The following SLIT2 variants were observed in gnomAD, a reference collection of about 807,000 sequenced individuals.
The protein encoded by SLIT2 is slit guidance ligand 2.
SLIT2 carries 41 observed loss-of-function variants against 185.7 expected under a neutral mutation model. The ratio of observed to expected loss-of-function variants is 0.22; its 90% CI spans 0.17 to 0.29. SLIT2 has a LOEUF of 0.29. SLIT2 is among the 10% of genes least tolerant of loss of function. The pLI is 1.00. For missense variants in SLIT2, 1,571 were observed against 1,909.0 expected, an observed-to-expected ratio of 0.82 and a Z score of 3.30; for synonymous variants, 693 against 680.2, an observed-to-expected ratio of 1.02 and a Z score of -0.29.
rs377016101 is a variant in SLIT2, at chr4:20,617,630, C to T, written c.4328C>T (p.Thr1443Met). ...QPYCECSSGY[T>M]GDSCDREISC... ...TACTGTGAATGCAGCAGTGGATACA[C>T]GGGGGACAGCTGTGATCGAGGTAAG... The change falls in exon 36 of 37, where the codon ACG (threonine) becomes ATG (methionine). Residue 1443 changes from threonine (T) to methionine (M), a missense_variant. Transcript: ENST00000504154. 84 of 1,608,370 alleles carry T rather than the reference C, an allele frequency of 5.2e-5. No homozygotes were observed. Among genetic ancestry groups the T allele is most frequent in the East Asian group, 3.8e-4 (17 of 44,628 alleles).
At chr4:20,503,496 T>C (rs901013041) in intron 9 of SLIT2, among the ~76,000 whole-genome samples, 1 of 152,078 alleles carries the variant, frequency 6.6e-6, no homozygotes, top group Admixed American at 6.6e-5. Context: ...AAAATATATA[T>C]ATGAAAACAT....
At chr4:20,367,798 T>A (rs1317741473) in intron 4 of SLIT2, among the ~76,000 whole-genome samples, 1 of 152,084 alleles carries the variant, frequency 6.6e-6, no homozygotes, top group African/African-American at 2.4e-5. Flanking sequence ...TCTTTTTCAC[T>A]GCTGCACCTC....
rs140241075 is a variant in SLIT2, at chr4:20,483,734, T to C, written c.540-2466T>C. On this transcript the variant is annotated intron_variant, in intron 6 of 36. Coordinates refer to ENST00000504154, the MANE Select transcript of SLIT2 (RefSeq NM_004787.4). ...TAATATTTATACATCAAGATGTCTT[T>C]TGTATTAGAATACTCATTACAAAGA... Among the ~76,000 whole-genome samples, 11 of 152,150 alleles carry C rather than the reference T, an allele frequency of 7.2e-5. No homozygotes were observed. The East Asian group carries it at 1.9e-3, about 27-fold the overall frequency.
At chr4:20,504,563 A>G (rs906551400) in intron 9 of SLIT2, among the ~76,000 whole-genome samples, 9 of 152,142 alleles carry the variant, frequency 5.9e-5, no homozygotes, top group African/African-American at 9.7e-5. Context: ...TTCAGCTTCA[A>G]TGTGAATGAT....
intron 5 of SLIT2, 38 bp downstream of exon 5, chr4:20,467,861 A>AT: frequency 9.6e-7 from 1 of 1,037,764 alleles, no homozygotes; most frequent in Middle Eastern, 2.8e-4. Flanking sequence ...GTTTTAAGTC[A>AT]TTATCTATTT....
chr4:20,367,884 TAC>T (rs1560358964), intron 4 of SLIT2, among the ~76,000 whole-genome samples: 1 of 152,118 alleles, frequency 6.6e-6, no homozygotes, highest in African/African-American at 2.4e-5. Context: ...AGTCCATTCT[TAC>T]AGGGGTAATA....
chr4:20,585,252 G>A (rs1271059562), intron 29 of SLIT2, among the ~76,000 whole-genome samples: 5 of 152,128 alleles, frequency 3.3e-5, no homozygotes, highest in African/African-American at 4.8e-5. Context: ...TAGACCCCTT[G>A]ATGGACCACT....
intron 4 of SLIT2, among the ~76,000 whole-genome samples, chr4:20,364,481 A>G (rs752558463): frequency 2.6e-5 from 4 of 152,182 alleles, no homozygotes; most frequent in African/African-American, 7.2e-5. Flanking sequence ...AAAGTCAGTC[A>G]GTAACCATAC....
chr4:20,443,657 T>G (rs1238575093), intron 4 of SLIT2, among the ~76,000 whole-genome samples: 2 of 149,440 alleles, frequency 1.3e-5, no homozygotes, highest in African/African-American at 5.1e-5. Flanking sequence ...AATGATTACC[T>G]TGTATGGATT....
chr4:20,607,392 C>A (rs1728872564), intron 33 of SLIT2, among the ~76,000 whole-genome samples: 1 of 152,116 alleles, frequency 6.6e-6, no homozygotes, highest in Non-Finnish European at 1.5e-5. Context: ...TTGCTAAAAA[C>A]AATTGATATA....
chr4:20,268,981 A>G, intron 4 of SLIT2, 100 bp downstream of exon 4: 1 of 751,926 alleles, frequency 1.3e-6, no homozygotes, highest in Non-Finnish European at 2.4e-6. Flanking sequence ...GAATCTGTTC[A>G]TCAATAGATT....
At chr4:20,547,548 T>C (rs1346220280) in intron 22 of SLIT2, among the ~76,000 whole-genome samples, 1 of 152,034 alleles carries the variant, frequency 6.6e-6, no homozygotes, top group Non-Finnish European at 1.5e-5. Flanking sequence ...ATGGGTCCAT[T>C]TTACTGACAT....
intron 11 of SLIT2, 44 bp from the exon 12 acceptor site, chr4:20,519,338 C>A: frequency 3.2e-6 from 3 of 936,106 alleles, no homozygotes; most frequent in Non-Finnish European, 5.2e-6. Context: ...ATTTGTTATG[C>A]AGGTTTGGTG....
chr4:20,511,630 A>G (rs1719762885), intron 11 of SLIT2, among the ~76,000 whole-genome samples: 1 of 133,874 alleles, frequency 7.5e-6, no homozygotes, highest in African/African-American at 2.9e-5. Context: ...GAATTTCACA[A>G]TGTTAGCCAG....
At chr4:20,378,083 A>G (rs1458616517) in intron 4 of SLIT2, among the ~76,000 whole-genome samples, 1 of 152,110 alleles carries the variant, frequency 6.6e-6, no homozygotes, top group African/African-American at 2.4e-5. Context: ...GCAGAGATTC[A>G]TTTATAATTT....
chr4:20,527,138 C>T (rs1721366743), intron 15 of SLIT2, among the ~76,000 whole-genome samples: 1 of 152,180 alleles, frequency 6.6e-6, no homozygotes, highest in African/African-American at 2.4e-5. Context: ...TACATCACAA[C>T]ATAAGGATTA....
At chr4:20,308,045 T>C (rs1317887177) in intron 4 of SLIT2, among the ~76,000 whole-genome samples, 7 of 152,178 alleles carry the variant, frequency 4.6e-5, no homozygotes, top group Admixed American at 3.3e-4. Context: ...TTATTATGAT[T>C]TTTAGTGATA....
At chr4:20,429,531 C>G (rs1728814074) in intron 4 of SLIT2, among the ~76,000 whole-genome samples, 1 of 152,000 alleles carries the variant, frequency 6.6e-6, no homozygotes, top group East Asian at 1.9e-4. Flanking sequence ...ATTACGTACA[C>G]AAATAAATTT....
At chr4:20,437,378 G>T (rs1406638083) in intron 4 of SLIT2, among the ~76,000 whole-genome samples, 1 of 152,136 alleles carries the variant, frequency 6.6e-6, no homozygotes, top group Non-Finnish European at 1.5e-5. Flanking sequence ...ACTTTAGGAG[G>T]CCAAGGCCTG....
Sources: gnomAD v4.1 joint callset for allele counts (sites outside exome capture counted in the v4.1 genomes callset) on GRCh38, gnomAD v4.1.1 for gene constraint, MANE v1.5 for transcripts, NCBI Gene and HGNC (gene_info 2026-07-23, HGNC 2026-07-21) for gene names.